Variants in RBFOX1 observed in about 807,000 individuals in gnomAD.
RBFOX1 encodes RNA binding protein fox-1 homolog 1.
A neutral mutation model predicts 57.7 loss-of-function variants in RBFOX1; 8 were observed. That is an observed-to-expected ratio of 0.14 (90% CI 0.08 to 0.25). The LOEUF is 0.25. RBFOX1 is among the 10% of genes least tolerant of loss of function. RBFOX1 has a pLI of 1.00. For missense variants in RBFOX1, 611 were observed against 548.5 expected (o/e 1.11, Z -1.14); for synonymous variants, 326 against 222.4 (o/e 1.47, Z -4.15).
chr16:7,100,564 TG>T (rs35560183), intron 4 of RBFOX1, among the ~76,000 whole-genome samples: 2,305 of 99,406 alleles, frequency 0.023, 66 homozygotes, highest in African/African-American at 0.081. Flanking sequence ...TTTTAAAGGT[TG>T]TTTTTTTTTT....
chr16:7,099,407 A>G (rs1321963663), intron 4 of RBFOX1, among the ~76,000 whole-genome samples: 1 of 152,202 alleles, frequency 6.6e-6, no homozygotes, highest in African/African-American at 2.4e-5. Flanking sequence ...GGCTAATACC[A>G]GAAGGGGAAT....
chr16:7,192,956 C>T (rs561879126), intron 4 of RBFOX1, among the ~76,000 whole-genome samples: 1 of 152,314 alleles, frequency 6.6e-6, no homozygotes, highest in Admixed American at 6.5e-5. Flanking sequence ...TTCCCCTCCT[C>T]TTTGTGTCGA....
intron 3 of RBFOX1, among the ~76,000 whole-genome samples, chr16:6,698,527 T>C (rs1225725072): frequency 6.6e-6 from 1 of 152,216 alleles, no homozygotes; most frequent in Non-Finnish European, 1.5e-5. Flanking sequence ...ACTCTTTCTT[T>C]TGTCTCTTCA....
intron 1 of RBFOX1, among the ~76,000 whole-genome samples, chr16:6,156,876 G>A (rs895315552): frequency 7.2e-5 from 11 of 152,106 alleles, no homozygotes; most frequent in South Asian, 2.1e-4. Flanking sequence ...GTCTTCTTAC[G>A]TCACCCAGAC....
At chr16:6,157,078 C>G (rs747423383) in intron 1 of RBFOX1, among the ~76,000 whole-genome samples, 3 of 152,052 alleles carry the variant, frequency 2.0e-5, no homozygotes, top group Non-Finnish European at 4.4e-5. Flanking sequence ...TCCAGTGATC[C>G]TCCACCATGG....
chr16:7,104,340 C>G (rs554285559), intron 4 of RBFOX1, among the ~76,000 whole-genome samples: 6 of 152,176 alleles, frequency 3.9e-5, no homozygotes, highest in African/African-American at 9.6e-5. Context: ...CTAAGGGGGA[C>G]CAGTGTAGCT....
intron 1 of RBFOX1, among the ~76,000 whole-genome samples, chr16:6,243,025 T>C (rs956578500): frequency 1.3e-5 from 2 of 152,172 alleles, no homozygotes; most frequent in African/African-American, 4.8e-5. Flanking sequence ...GGTTTCTGAA[T>C]TGTAAGAGAT....
At chr16:7,513,549 G>A (rs951872129) in intron 4 of RBFOX1, among the ~76,000 whole-genome samples, 7 of 152,158 alleles carry the variant, frequency 4.6e-5, no homozygotes, top group Non-Finnish European at 7.3e-5. Flanking sequence ...CAAGGTAGTC[G>A]TATACTCTGT....
At chr16:7,517,246 C>A (rs1349779103) in intron 4 of RBFOX1, among the ~76,000 whole-genome samples, 1 of 149,562 alleles carries the variant, frequency 6.7e-6, no homozygotes, top group Non-Finnish European at 1.5e-5. Context: ...GAAATGGAAG[C>A]ATTTGTATTC....
intron 2 of RBFOX1, among the ~76,000 whole-genome samples, chr16:6,514,852 C>A (rs1268252105): frequency 6.6e-6 from 1 of 150,690 alleles, no homozygotes. Flanking sequence ...ATGGAGTTTC[C>A]AATAATAATG....
intron 1 of RBFOX1, among the ~76,000 whole-genome samples, chr16:5,355,327 G>C (rs554525866): frequency 4.6e-5 from 7 of 152,296 alleles, no homozygotes; most frequent in Admixed American, 1.3e-4. Flanking sequence ...GGGACTATGG[G>C]CCGGGAGAGA....
rs141535469 is a variant in RBFOX1, at chr16:7,225,094, G to A, written c.27+172996G>A. 2.9e-4 allele frequency among the ~76,000 whole-genome samples: 44 copies of A among 152,228 alleles called. 1 individual carries two copies. In the East Asian group the frequency reaches 6.6e-3, roughly 23 times the overall value. On this transcript the variant is annotated intron_variant, in intron 4 of 15. Transcript: ENST00000550418. The stretch of plus-strand genomic sequence containing the variant: ...ACACTAAGTGTAGTATCCAATATCA[G>A]GTGTTCCAAAAAGGGCTTATCATCA...
chr16:6,752,982 C>A (rs1025162643), intron 3 of RBFOX1, among the ~76,000 whole-genome samples: 1 of 152,040 alleles, frequency 6.6e-6, no homozygotes, highest in African/African-American at 2.4e-5. Context: ...GGGAAAAATA[C>A]AAATGTGCAA....
At chr16:6,696,706 A>G (rs2061105999) in intron 3 of RBFOX1, among the ~76,000 whole-genome samples, 1 of 151,178 alleles carries the variant, frequency 6.6e-6, no homozygotes, top group African/African-American at 2.4e-5. Context: ...TTTTTTTTCC[A>G]TGTAACTTCC....
chr16:7,166,942 G>C (rs1451027962), intron 4 of RBFOX1, among the ~76,000 whole-genome samples: 1 of 135,536 alleles, frequency 7.4e-6, no homozygotes, highest in Non-Finnish European at 1.6e-5. Context: ...TGACATCAGA[G>C]AGAAAGCCCC....
At chr16:7,190,957 C>G (rs115770567) in intron 4 of RBFOX1, among the ~76,000 whole-genome samples, 2 of 151,806 alleles carry the variant, frequency 1.3e-5, no homozygotes, top group African/African-American at 4.8e-5. Context: ...CCCTAATCAT[C>G]TCAATCAGAA....
At chr16:5,981,467 TA>T (rs2060170776) in intron 4 of RBFOX1, among the ~76,000 whole-genome samples, 1 of 152,168 alleles carries the variant, frequency 6.6e-6, no homozygotes, top group Non-Finnish European at 1.5e-5. Context: ...TGTGATGTTT[TA>T]TTTTATTATT....
At chr16:6,932,691 C>G (rs2076758511) in intron 3 of RBFOX1, among the ~76,000 whole-genome samples, 1 of 152,164 alleles carries the variant, frequency 6.6e-6, no homozygotes, top group Non-Finnish European at 1.5e-5. Flanking sequence ...ACACATGTCT[C>G]TACTTTCACT....
intron 1 of RBFOX1, among the ~76,000 whole-genome samples, chr16:6,249,871 C>A (rs145936808): frequency 4.4e-4 from 66 of 151,388 alleles, no homozygotes; most frequent in African/African-American, 1.6e-3. Context: ...GTGTGCTGCA[C>A]CCAGTAACTC....
Sources: gnomAD v4.1 joint callset for allele counts (sites outside exome capture counted in the v4.1 genomes callset) on GRCh38, gnomAD v4.1.1 for gene constraint, MANE v1.5 for transcripts, NCBI Gene and HGNC (gene_info 2026-07-23, HGNC 2026-07-21) for gene names.